Variants in USH2A observed in about 807,000 individuals in gnomAD.
The protein encoded by USH2A is usherin.
USH2A carries 443 observed loss-of-function variants against 538.9 expected under a neutral mutation model. The observed-to-expected ratio is 0.82, with a 90% CI of 0.76 to 0.89. USH2A has a LOEUF of 0.89. Among genes scored for constraint, USH2A ranks in the 40% least tolerant of loss-of-function variants. The pLI is 0.00. For missense variants in USH2A, 6,633 were observed against 6,324.8 expected (o/e 1.05, Z -1.65); for synonymous variants, 2,413 against 2,273.5 (o/e 1.06, Z -1.75).
intron 4 of USH2A, among the ~76,000 whole-genome samples, chr1:216,333,240 G>A (rs1241396412): frequency 6.6e-6 from 1 of 151,866 alleles, no homozygotes; most frequent in Non-Finnish European, 1.5e-5. Flanking sequence ...CCAGCAGTTT[G>A]AGACCACCCT....
At chr1:216,292,066 GA>G in intron 10 of USH2A, 108 bp downstream of exon 10, 1 of 1,286,930 alleles carries the variant, frequency 7.8e-7, no homozygotes, top group Non-Finnish European at 1.1e-6. Context: ...TTAAAGGTAT[GA>G]AAGTACATCC....
At chr1:215,929,436 G>T (rs558238015) in intron 38 of USH2A, among the ~76,000 whole-genome samples, 1 of 152,112 alleles carries the variant, frequency 6.6e-6, no homozygotes, top group African/African-American at 2.4e-5. Flanking sequence ...CCTTAGCAGG[G>T]TTACTGGCCT....
intron 32 of USH2A, among the ~76,000 whole-genome samples, chr1:216,041,322 A>G (rs189170616): frequency 1.6e-4 from 25 of 151,998 alleles, no homozygotes; most frequent in African/African-American, 5.8e-4. Context: ...TTTAAAATAA[A>G]TTTTGTACTA....
rs1212098704 is a variant in USH2A at position 216,247,179 on chromosome 1, A to T, written c.2215T>A (p.Phe739Ile). 1 of 1,614,086 alleles carries T rather than the reference A, an allele frequency of 6.2e-7. No individual in the cohort carries two copies. Among genetic ancestry groups the T allele is most frequent in the South Asian group, 1.1e-5 (1 of 91,084 alleles). ...CAGGGCTCACATCCAACATCATTAA[A>T]GCTTCGGAGAAATTTAAATCCAAAA... ...CNFGFKFLRS[F>I]NDVGCEPCQC... The change falls in exon 13 of 72, where the codon TTT (phenylalanine) becomes ATT (isoleucine). Residue 739 changes from phenylalanine to isoleucine, a missense_variant. Coordinates refer to ENST00000307340, the MANE Select transcript of USH2A (RefSeq NM_206933.4).
At position 215,647,756 on chromosome 1, in the gene USH2A, T is replaced by C. The variant is rs1656907807; in HGVS notation, c.14583-26A>G. 4.3e-6 allele frequency: 7 copies of C among 1,610,934 alleles called. No homozygotes were observed. Among genetic ancestry groups the C allele is most frequent in the Non-Finnish European group, 5.9e-6 (7 of 1,177,436 alleles). ...CTAAAATGAGAATGGATACGTAGAGTCAAGACGGGTAATGGAATTAGTTTA... is the reference window on the plus strand; with the variant it reads ...CTAAAATGAGAATGGATACGTAGAGCCAAGACGGGTAATGGAATTAGTTTA... On this transcript the variant is annotated intron_variant, in intron 66 of 71. Transcript: ENST00000307340.
At chr1:215,951,172 C>T (rs1036561500) in intron 37 of USH2A, among the ~76,000 whole-genome samples, 1 of 152,172 alleles carries the variant, frequency 6.6e-6, no homozygotes, top group African/African-American at 2.4e-5. Flanking sequence ...ATCTTTCCTG[C>T]TTTCTCTTGT....
chr1:216,211,948 G>T (rs2035250259), intron 15 of USH2A, among the ~76,000 whole-genome samples: 1 of 151,556 alleles, frequency 6.6e-6, no homozygotes. Flanking sequence ...TGCAATTCAT[G>T]GTAATTTAAC....
chr1:216,006,920 G>C (rs528732552), intron 32 of USH2A, among the ~76,000 whole-genome samples: 1 of 152,136 alleles, frequency 6.6e-6, no homozygotes, highest in Non-Finnish European at 1.5e-5. Flanking sequence ...GATATGGTTT[G>C]GCTATGTCCC....
At chr1:215,674,066 C>T (rs776417023) in intron 63 of USH2A, 34 bp downstream of exon 63, 17 of 1,613,652 alleles carry the variant, frequency 1.1e-5, no homozygotes, top group Middle Eastern at 1.7e-4. Flanking sequence ...TCAGCAGTGG[C>T]TTACTCTCAG....
In USH2A at chr1:215,913,644, C is replaced by T. The variant is rs1478123278; in HGVS notation, c.7301-12739G>A. 3.9e-5 allele frequency among the ~76,000 whole-genome samples: 6 copies of T among 152,122 alleles called. No individual in the cohort carries two copies. In the East Asian group the frequency reaches 1.2e-3, roughly 29 times the overall value. On this transcript the variant is annotated intron_variant, in intron 38 of 71. Coordinates refer to ENST00000307340, the MANE Select transcript of USH2A (RefSeq NM_206933.4). Reference sequence around the variant, plus strand: ...TGTTTAGTTTGAAAATATTGAGGCACAGATGGTGGTGGCTACTCCCTGGTA... The same window carrying T: ...TGTTTAGTTTGAAAATATTGAGGCATAGATGGTGGTGGCTACTCCCTGGTA...
chr1:216,298,509 A>G (rs1367447537), intron 9 of USH2A, among the ~76,000 whole-genome samples: 1 of 152,184 alleles, frequency 6.6e-6, no homozygotes, highest in Non-Finnish European at 1.5e-5. Context: ...AAAGCCAAAG[A>G]CAAATTTTAC....
intron 61 of USH2A, among the ~76,000 whole-genome samples, chr1:215,724,366 G>A (rs2102710019): frequency 1.4e-5 from 2 of 146,720 alleles, no homozygotes; most frequent in South Asian, 4.4e-4. Context: ...GACACAGACA[G>A]TCAAATACCG....
chr1:215,736,119 A>T (rs1372841461), intron 60 of USH2A, among the ~76,000 whole-genome samples: 1 of 152,102 alleles, frequency 6.6e-6, no homozygotes, highest in Non-Finnish European at 1.5e-5. Context: ...ACTTTATTAC[A>T]TTGCTTCTCT....
At chr1:216,272,042 C>T (rs2036585915) in intron 11 of USH2A, among the ~76,000 whole-genome samples, 1 of 151,998 alleles carries the variant, frequency 6.6e-6, no homozygotes, top group South Asian at 2.1e-4. Context: ...AAATATATGC[C>T]CTTCCTTGGT....
chr1:215,995,802 A>G (rs1289225073), intron 34 of USH2A, among the ~76,000 whole-genome samples: 3 of 152,222 alleles, frequency 2.0e-5, no homozygotes, highest in Non-Finnish European at 4.4e-5. Context: ...GATGAGTAAC[A>G]TCTGGCCAAA....
rs140879030 is a variant in USH2A, at chr1:215,857,201, A to G, written c.8845+9806T>C. Reference sequence around the variant, plus strand: ...CGTGTACAAATAAGTAAATAAACAAATTAAAAAGGGATAAGGAAGAGATAC... The same window carrying G: ...CGTGTACAAATAAGTAAATAAACAAGTTAAAAAGGGATAAGGAAGAGATAC... On this transcript the variant is annotated intron_variant, in intron 44 of 71. Transcript: ENST00000307340. 3.7e-4 allele frequency among the ~76,000 whole-genome samples: 56 copies of G among 152,232 alleles called. 1 individual carries two copies. The Middle Eastern group carries it at 0.01, about 28-fold the overall frequency.
intron 15 of USH2A, among the ~76,000 whole-genome samples, chr1:216,214,187 T>C (rs941377197): frequency 6.6e-6 from 1 of 152,076 alleles, no homozygotes. Context: ...CCAGCCTTTT[T>C]ATTCTCAGGA....
chr1:216,296,598 T>C (rs1485868621), intron 9 of USH2A, among the ~76,000 whole-genome samples: 3 of 152,054 alleles, frequency 2.0e-5, no homozygotes, highest in African/African-American at 7.2e-5. Flanking sequence ...TGAGGGAATT[T>C]AGAGAGGAGA....
At chr1:215,655,725 C>CTTTTTTTTTT (rs766225635) in intron 64 of USH2A, among the ~76,000 whole-genome samples, 112 of 96,192 alleles carry the variant, frequency 1.2e-3, no homozygotes, top group African/African-American at 2.9e-3. Flanking sequence ...GCTAGTTATT[C>CTTTTTTTTTT]TTTTTTTTTT....
Sources: gnomAD v4.1 joint callset for allele counts (sites outside exome capture counted in the v4.1 genomes callset) on GRCh38, gnomAD v4.1.1 for gene constraint, MANE v1.5 for transcripts, NCBI Gene and HGNC (gene_info 2026-07-23, HGNC 2026-07-21) for gene names.